The following GRID2 variants were observed in gnomAD, a reference collection of about 807,000 sequenced individuals.
The protein encoded by GRID2 is glutamate ionotropic receptor delta type subunit 2.
In GRID2, 33 loss-of-function variants were observed where a neutral mutation model predicts 114.8. That is an observed-to-expected ratio of 0.29 (90% CI 0.22 to 0.38). GRID2 has a LOEUF of 0.38. Ranked by LOEUF, GRID2 falls within the 10% of genes least tolerant of loss-of-function variation. GRID2 has a pLI of 1.00. For synonymous variants in GRID2, 505 were observed against 449.9 expected (o/e 1.12, Z -1.55); for missense variants, 1,184 against 1,257.7 (o/e 0.94, Z 0.89).
intron 2 of GRID2, among the ~76,000 whole-genome samples, chr4:92,674,191 A>T (rs569427207): frequency 6.6e-6 from 1 of 152,256 alleles, no homozygotes; most frequent in African/African-American, 2.4e-5. Flanking sequence ...GTAAAAACAA[A>T]AATTTAGCAT....
intron 8 of GRID2, among the ~76,000 whole-genome samples, chr4:93,343,843 G>A (rs1759913792): frequency 1.3e-5 from 2 of 152,078 alleles, no homozygotes; most frequent in Admixed American, 6.6e-5. Flanking sequence ...ATTATAGAAT[G>A]TGTAAGCTTA....
At chr4:92,540,987 T>A (rs1725913595) in intron 1 of GRID2, among the ~76,000 whole-genome samples, 1 of 152,178 alleles carries the variant, frequency 6.6e-6, no homozygotes, top group Non-Finnish European at 1.5e-5. Flanking sequence ...GTTCATGTCC[T>A]TTGTAGGAAC....
chr4:93,197,393 TGTA>T (rs1412128793), intron 4 of GRID2, among the ~76,000 whole-genome samples: 1 of 152,134 alleles, frequency 6.6e-6, no homozygotes, highest in Non-Finnish European at 1.5e-5. Context: ...TGCACATAGT[TGTA>T]GTGTTTGCAT....
rs573407289 is a variant in GRID2 at position 93,628,909 on chromosome 4, A to G, written c.2360+2474A>G. Reference sequence around the variant, plus strand: ...GCCTCCCAAGTAGCTGGGATTACACATGCACGCCACCATACCCAGCTAATT... The same window carrying G: ...GCCTCCCAAGTAGCTGGGATTACACGTGCACGCCACCATACCCAGCTAATT... On this transcript the variant is annotated intron_variant, in intron 14 of 15. Transcript: ENST00000282020. Among the ~76,000 whole-genome samples, 128 of 151,092 alleles carry G rather than the reference A, an allele frequency of 8.5e-4. 1 individual carries two copies. The highest frequency in any genetic ancestry group is 1.2e-3 in the Non-Finnish European group (84 of 67,646).
chr4:92,454,024 C>A lies in GRID2; in HGVS notation c.89-136107C>A, dbSNP rs149129047. Among the ~76,000 whole-genome samples the A allele has an allele frequency of 8.6e-4, 131 of 152,166 alleles. 1 individual carries two copies. Among genetic ancestry groups the A allele is most frequent in the African/African-American group, 3.0e-3 (123 of 41,538 alleles). Reference sequence around the variant, plus strand: ...CAGCCAAAACATAATTAGATTTCTCCAAAAATGCCTCTTAGTGTTTAAATA... The same window carrying A: ...CAGCCAAAACATAATTAGATTTCTCAAAAAATGCCTCTTAGTGTTTAAATA... On this transcript the variant is annotated intron_variant, in intron 1 of 15. Coordinates refer to ENST00000282020, the MANE Select transcript of GRID2 (RefSeq NM_001510.4).
At chr4:93,728,409 T>G (rs1445958778) in intron 14 of GRID2, among the ~76,000 whole-genome samples, 1 of 152,172 alleles carries the variant, frequency 6.6e-6, no homozygotes, top group Admixed American at 6.6e-5. Flanking sequence ...CTTCCAACTA[T>G]GTGGTCAATT....
At chr4:93,209,139 TTGTA>T (rs764040640) in intron 5 of GRID2, among the ~76,000 whole-genome samples, 1 of 152,016 alleles carries the variant, frequency 6.6e-6, no homozygotes, top group Non-Finnish European at 1.5e-5. Flanking sequence ...GTGAGCAAGT[TTGTA>T]TGTAGGTAAA....
intron 13 of GRID2, among the ~76,000 whole-genome samples, chr4:93,578,298 T>C (rs1736612562): frequency 6.6e-6 from 1 of 152,084 alleles, no homozygotes; most frequent in South Asian, 2.1e-4. Flanking sequence ...AATAGGTATT[T>C]TGAGAGATGG....
intron 13 of GRID2, among the ~76,000 whole-genome samples, chr4:93,614,540 CATTT>C (rs1278554016): frequency 6.6e-6 from 1 of 151,760 alleles, no homozygotes; most frequent in Non-Finnish European, 1.5e-5. Flanking sequence ...ATGAAATAGT[CATTT>C]ATTTAAAATT....
chr4:93,047,947 G>A (rs1168517184), intron 2 of GRID2, among the ~76,000 whole-genome samples: 1 of 152,050 alleles, frequency 6.6e-6, no homozygotes, highest in Non-Finnish European at 1.5e-5. Flanking sequence ...TTCTAAGCCA[G>A]TTCAAAGGTG....
At chr4:92,984,462 G>A (rs999393462) in intron 2 of GRID2, among the ~76,000 whole-genome samples, 1 of 152,208 alleles carries the variant, frequency 6.6e-6, no homozygotes, top group African/African-American at 2.4e-5. Context: ...AGAAAGACTG[G>A]CTTGTATCTT....
At chr4:93,517,994 T>G (rs62319528) in intron 13 of GRID2, among the ~76,000 whole-genome samples, 1 of 16,408 alleles carries the variant, frequency 6.1e-5, no homozygotes, top group Non-Finnish European at 1.4e-4. Flanking sequence ...TGTATATACA[T>G]ACATGTATAT....
chr4:92,474,846 G>A (rs1311990234), intron 1 of GRID2, among the ~76,000 whole-genome samples: 1 of 150,640 alleles, frequency 6.6e-6, no homozygotes, highest in Admixed American at 6.6e-5. Flanking sequence ...ATTTTTTCCT[G>A]AGTTGTTTGA....
In GRID2 at chr4:92,381,316, C is replaced by G. The variant is rs144302998; in HGVS notation, c.88+76572C>G. On this transcript the variant is annotated intron_variant, in intron 1 of 15. Transcript: ENST00000282020. ...ATTCTTAATTGAAATTCTATATCAC[C>G]TCGATCACTCGATCACTTCTAATAT... Among the ~76,000 whole-genome samples the G allele has an allele frequency of 1.1e-4, 17 of 152,068 alleles. No homozygotes were observed. The East Asian group carries it at 3.1e-3, about 28-fold the overall frequency.
intron 1 of GRID2, among the ~76,000 whole-genome samples, chr4:92,430,526 T>A: frequency 6.6e-6 from 1 of 152,306 alleles, no homozygotes; most frequent in South Asian, 2.1e-4. Flanking sequence ...TAGTATTATT[T>A]AAAGTCAGGT....
chr4:93,028,115 C>G (rs1724049365), intron 2 of GRID2, among the ~76,000 whole-genome samples: 1 of 151,932 alleles, frequency 6.6e-6, no homozygotes, highest in Admixed American at 6.6e-5. Context: ...TGTAATTTGC[C>G]AAGTACTGTT....
intron 2 of GRID2, among the ~76,000 whole-genome samples, chr4:92,784,279 T>G (rs1395950009): frequency 3.9e-5 from 6 of 151,990 alleles, no homozygotes; most frequent in Admixed American, 2.0e-4. Context: ...GGCAAAACAT[T>G]TTTTAATGCA....
intron 3 of GRID2, among the ~76,000 whole-genome samples, chr4:93,105,173 ATTTG>A: frequency 6.6e-6 from 1 of 152,032 alleles, no homozygotes; most frequent in East Asian, 1.9e-4. Context: ...TTTCTTGTAA[ATTTG>A]TTTGAGTTCA....
At chr4:93,709,818 A>G (rs957839366) in intron 14 of GRID2, among the ~76,000 whole-genome samples, 1 of 152,192 alleles carries the variant, frequency 6.6e-6, no homozygotes, top group African/African-American at 2.4e-5. Flanking sequence ...CTTCAAGCTC[A>G]TTCATTCTTT....
Sources: allele counts gnomAD v4.1 joint callset (sites outside exome capture counted in the v4.1 genomes callset), GRCh38; gene constraint gnomAD v4.1.1; transcripts MANE v1.5; gene names NCBI Gene and HGNC (gene_info 2026-07-23, HGNC 2026-07-21).